UPF2: variants seen among roughly 807,000 people sequenced by gnomAD.
UPF2 encodes the protein regulator of nonsense transcripts 2.
In UPF2, 17 loss-of-function variants were observed where a neutral mutation model predicts 141.4. The ratio of observed to expected loss-of-function variants is 0.12; its 90% CI spans 0.08 to 0.18. UPF2 has a LOEUF of 0.18. UPF2 is among the 10% of genes least tolerant of loss of function. UPF2 has a pLI of 1.00. For missense variants in UPF2, 1,152 were observed against 1,515.9 expected, an observed-to-expected ratio of 0.76 and a Z score of 3.99; for synonymous variants, 540 against 498.0, an observed-to-expected ratio of 1.08 and a Z score of -1.12.
chr10:12,026,477 G>A (rs940155874), intron 3 of UPF2, among the ~76,000 whole-genome samples: 3 of 152,052 alleles, frequency 2.0e-5, no homozygotes, highest in African/African-American at 7.2e-5. Context: ...AAACATCACG[G>A]CAGTCTGAAT....
At chr10:12,037,055 T>C (rs549608568) in intron 1 of UPF2, among the ~76,000 whole-genome samples, 1 of 152,288 alleles carries the variant, frequency 6.6e-6, no homozygotes, top group South Asian at 2.1e-4. Context: ...AAATTCTATT[T>C]TAGAGGTAGA....
intron 8 of UPF2, among the ~76,000 whole-genome samples, chr10:11,989,201 A>G (rs556868499): frequency 7.2e-5 from 11 of 152,240 alleles, no homozygotes; most frequent in Non-Finnish European, 1.5e-4. Flanking sequence ...TGAACTTTAA[A>G]AAGATTGAGA....
At chr10:11,999,849 C>G in intron 7 of UPF2, 57 bp downstream of exon 7, 1 of 1,358,718 alleles carries the variant, frequency 7.4e-7, no homozygotes, top group Non-Finnish European at 1.1e-6. Context: ...CATTCCTTAT[C>G]AGAGGACTCC....
chr10:12,029,395 G>A lies in UPF2; in HGVS notation c.495C>T (p.Asp165=). The A allele has an allele frequency of 6.2e-7, 1 of 1,614,220 alleles. No individual in the cohort carries two copies. The highest frequency in any genetic ancestry group is 1.1e-5 in the South Asian group (1 of 91,082). Residue 165 remains aspartate, a synonymous_variant, in exon 3 of 22, where the codon GAC becomes GAT. Coordinates refer to ENST00000357604, the MANE Select transcript of UPF2 (RefSeq NM_015542.4). ...AAGCAGTATTTTTCTTCAAACTTGA[G>A]TCGAGGCGGCTGAAGAAGTTTTCCT... is the stretch of plus-strand genomic sequence containing the variant. The part of the protein sequence containing the change: ...RPEENFFSRL[D]SSLKKNTAFV...
Position 11,920,351 on chromosome 10 carries a change from A to C in UPF2, c.*947T>G, listed in dbSNP as rs1056337428. Reference sequence around the variant, plus strand: ...CTATTTAGTGGGGGAAAACAAAAAAAAAAACAAAACAAAAACAAAAGCAAA... The same window carrying C: ...CTATTTAGTGGGGGAAAACAAAAAACAAAACAAAACAAAAACAAAAGCAAA... On this transcript the variant is annotated 3_prime_UTR_variant, in exon 22 of 22. Transcript: ENST00000357604. 3 of 152,288 alleles carry C rather than the reference A, an allele frequency of 2.0e-5. No individual in the cohort carries two copies. Among genetic ancestry groups the C allele is most frequent in the Admixed American group, 6.5e-5 (1 of 15,296 alleles). 9.4% of individuals were successfully genotyped at this position (152,288 alleles called of 1,614,324 possible). A position where few individuals can be genotyped will look rare whatever the true frequency, so the allele number is the denominator to read the frequency against.
In UPF2 at chr10:11,920,843, C is replaced by A; in HGVS notation, c.*455G>T. The A allele has an allele frequency of 2.7e-6, 1 of 364,080 alleles. No homozygotes were observed. Among genetic ancestry groups the A allele is most frequent in the Non-Finnish European group, 5.5e-6 (1 of 181,570 alleles). The allele number at this position is 364,080 out of a possible 1,614,324, so 22.6% of individuals were successfully genotyped here. ...TACTTTTCTACTGTAGTCCTGGAGC[C>A]CCCAAATGTATCTTCTTCCAACGTG... On this transcript the variant is annotated 3_prime_UTR_variant, in exon 22 of 22. Transcript: ENST00000357604.
At chr10:11,927,708 AT>A (rs200941036) in intron 21 of UPF2, among the ~76,000 whole-genome samples, 3 of 150,800 alleles carry the variant, frequency 2.0e-5, no homozygotes, top group Non-Finnish European at 4.4e-5. Context: ...TCCAACTTGG[AT>A]TTTTTTTTTA....
At position 11,931,422 on chromosome 10, in the gene UPF2, G is replaced by A. The variant is rs1160262234; in HGVS notation, c.3688+219C>T. 3.3e-5 allele frequency among the ~76,000 whole-genome samples: 5 copies of A among 152,188 alleles called. No homozygotes were observed. The highest frequency in any genetic ancestry group is 4.8e-5 in the African/African-American group (2 of 41,436). On this transcript the variant is annotated intron_variant, in intron 20 of 21. Coordinates refer to ENST00000357604, the MANE Select transcript of UPF2 (RefSeq NM_015542.4). This position sits in a 1 kb window ranked among gnomAD's most constrained non-coding sequence, Gnocchi z 5.9. The stretch of plus-strand genomic sequence containing the variant: ...ATTGATTATCACCTTGCTTGCAAAC[G>A]TAGCTTAGCAGTTTATACTCTAATT...
intron 1 of UPF2, among the ~76,000 whole-genome samples, chr10:12,037,091 T>C (rs1343490149): frequency 2.6e-5 from 4 of 152,224 alleles, no homozygotes; most frequent in East Asian, 1.9e-4. Context: ...CTTAGTTTTA[T>C]GTTTTCTTTT....
chr10:11,989,866 G>A (rs749873806), intron 8 of UPF2, among the ~76,000 whole-genome samples: 5 of 152,078 alleles, frequency 3.3e-5, no homozygotes, highest in African/African-American at 1.2e-4. Context: ...GTCACCTCCT[G>A]AAAGGGTAGT....
In UPF2 at chr10:11,967,362, AT is replaced by A; in HGVS notation, c.2045del (p.Asn682MetfsTer7). 2.5e-6 allele frequency: 4 copies of A among 1,579,752 alleles called. No homozygotes were observed. The highest frequency in any genetic ancestry group is 3.8e-5 in the Admixed American group (2 of 52,270). On this transcript the variant is annotated frameshift_variant, in exon 10 of 22. Transcript: ENST00000357604. LOFTEE classifies it high-confidence loss of function. ...ELTKFKMFTK[N>X]DTLHCLKMLL... is the part of the protein sequence containing the mutation. ...TAACCTTTAAACAATGCAGTGTGTC[AT>A]TTTTGGTGAACATCTTAAACTTAGT...
At chr10:11,943,429 A>T (rs1234273224) in intron 16 of UPF2, among the ~76,000 whole-genome samples, 1 of 152,188 alleles carries the variant, frequency 6.6e-6, no homozygotes, top group Non-Finnish European at 1.5e-5. Context: ...GAATTCCACA[A>T]TGAAGAAGTT....
At position 12,042,574 on chromosome 10, in the gene UPF2, AG is replaced by A. The variant is rs1169445589; in HGVS notation, c.-19+180del. On this transcript the variant is annotated intron_variant, in intron 1 of 21. Coordinates refer to ENST00000357604, the MANE Select transcript of UPF2 (RefSeq NM_015542.4). This position sits in a 1 kb window ranked among gnomAD's most constrained non-coding sequence, Gnocchi z 5.5. ...CCGCGTTGATGGGAGCCTCGGAGAC[AG>A]GGGGTCTGAGGAGAACGACGCCGGA... 2.0e-5 allele frequency among the ~76,000 whole-genome samples: 3 copies of A among 152,064 alleles called. No homozygotes were observed. The highest frequency in any genetic ancestry group is 4.4e-5 in the Non-Finnish European group (3 of 67,974).
At chr10:11,971,758 G>C (rs1833421298) in intron 9 of UPF2, among the ~76,000 whole-genome samples, 1 of 152,062 alleles carries the variant, frequency 6.6e-6, no homozygotes, top group South Asian at 2.1e-4. Context: ...AACAAAGTTT[G>C]TATATACTAA....
chr10:11,945,251 A>T (rs1319221507), intron 16 of UPF2, among the ~76,000 whole-genome samples: 1 of 152,242 alleles, frequency 6.6e-6, no homozygotes, highest in Non-Finnish European at 1.5e-5. Flanking sequence ...CCACTCTTCA[A>T]AATGTCAAAT....
intron 9 of UPF2, among the ~76,000 whole-genome samples, chr10:11,978,635 G>A (rs540379576): frequency 1.3e-5 from 2 of 152,290 alleles, no homozygotes; most frequent in South Asian, 4.1e-4. Flanking sequence ...GCTAGTATCA[G>A]AGTATTGATG....
In UPF2 at chr10:12,028,835, A is replaced by C; in HGVS notation, c.1055T>G (p.Phe352Cys). ...EIISPEKQQP[F>C]QNLLKEYFTS... ...AAAGTACTCTTTTAAAAGATTCTGG[A>C]AGGGCTGTTGTTTCTCTGGACTAAT... The change falls in exon 3 of 22, where the codon TTC becomes TGC. Residue 352 changes from phenylalanine (F) to cysteine (C), a missense_variant. This residue lies in a region of UPF2 where 739 missense variants were observed against 1,032.2 expected (regional missense o/e 0.72). Transcript: ENST00000357604. 6.2e-7 allele frequency: 1 copy of C among 1,614,110 alleles called. No individual in the cohort carries two copies. Among genetic ancestry groups the C allele is most frequent in the Non-Finnish European group, 8.5e-7 (1 of 1,180,002 alleles).
intron 18 of UPF2, among the ~76,000 whole-genome samples, chr10:11,938,861 T>TTTG (rs1564337817): frequency 4.7e-4 from 34 of 72,992 alleles, no homozygotes; most frequent in East Asian, 1.6e-3. Flanking sequence ...TTGTTTTTTT[T>TTTG]TTTTTTTTTT....
Position 11,952,108 on chromosome 10 carries a change from T to A in UPF2, c.2992A>T (p.Arg998Trp). 6.2e-7 allele frequency: 1 copy of A among 1,614,126 alleles called. No homozygotes were observed. Among genetic ancestry groups the A allele is most frequent in the Non-Finnish European group, 8.5e-7 (1 of 1,179,984 alleles). The change falls in exon 15 of 22, where the codon AGG (arginine) becomes TGG (tryptophan). Residue 998 changes from arginine (R) to tryptophan (W), a missense_variant. Around this residue, in one of 4 missense-constraint regions of UPF2, gnomAD observed 202 missense variants for 223.6 expected, o/e 0.90. Transcript: ENST00000357604. ...KLCNSLEESI[R>W]QVQDLEREFL... ...TCTCGTTCCAAGTCTTGTACCTGCC[T>A]GATGGATTCTTCCAGAGAATTACAG...
Sources: allele counts gnomAD v4.1 joint callset (sites outside exome capture counted in the v4.1 genomes callset), GRCh38; gene constraint gnomAD v4.1.1; regional missense constraint gnomAD v4.1.1; non-coding constraint Gnocchi (gnomAD v3.1); transcripts MANE v1.5; gene names NCBI Gene and HGNC (gene_info 2026-07-23, HGNC 2026-07-21).